Variants in ANO10 observed in about 807,000 individuals in gnomAD.
The protein encoded by ANO10 is anoctamin-10.
ANO10 carries 77 observed loss-of-function variants against 74.7 expected under a neutral mutation model. That is an observed-to-expected ratio of 1.03 (90% CI 0.86 to 1.25). The LOEUF (loss-of-function observed/expected upper bound fraction) is 1.25. ANO10 is among the 50% of genes most tolerant of loss of function. The pLI is 0.00. For synonymous variants in ANO10, 279 were observed against 284.9 expected (o/e 0.98, Z 0.21); for missense variants, 721 against 778.1 (o/e 0.93, Z 0.87).
chr3:43,461,482 T>G (rs1466237485), intron 11 of ANO10, among the ~76,000 whole-genome samples: 2 of 152,238 alleles, frequency 1.3e-5, no homozygotes, highest in Admixed American at 1.3e-4. Flanking sequence ...GAATCTCATC[T>G]TGAATTCCCA....
At chr3:43,634,707 A>G (rs1048700859) in intron 1 of ANO10, among the ~76,000 whole-genome samples, 1 of 152,208 alleles carries the variant, frequency 6.6e-6, no homozygotes, top group Non-Finnish European at 1.5e-5. Context: ...AGACTTAAGG[A>G]TAGGTATATC....
At chr3:43,525,388 C>A (rs188524713) in intron 11 of ANO10, among the ~76,000 whole-genome samples, 232 of 152,250 alleles carry the variant, frequency 1.5e-3, no homozygotes, top group Middle Eastern at 3.4e-3. Flanking sequence ...GTCATGTTCC[C>A]CTACTCTAAA....
intron 1 of ANO10, among the ~76,000 whole-genome samples, chr3:43,688,921 T>TGGTATCAGG: frequency 6.6e-6 from 1 of 152,014 alleles, no homozygotes; most frequent in East Asian, 1.9e-4. Flanking sequence ...TTCTGCAGGC[T>TGGTATCAGG]ATACAGGTGC....
At chr3:43,528,673 C>G (rs1221340023) in intron 11 of ANO10, among the ~76,000 whole-genome samples, 1 of 151,920 alleles carries the variant, frequency 6.6e-6, no homozygotes, top group African/African-American at 2.4e-5. Flanking sequence ...AAAAAAATGA[C>G]AAGGAAGACA....
intron 4 of ANO10, among the ~76,000 whole-genome samples, chr3:43,580,930 C>T (rs2081237197): frequency 6.6e-6 from 1 of 152,044 alleles, no homozygotes; most frequent in Non-Finnish European, 1.5e-5. Context: ...ATGAAATGTC[C>T]TTTTAACAAT....
intron 11 of ANO10, among the ~76,000 whole-genome samples, chr3:43,442,920 T>C (rs1559548486): frequency 6.6e-6 from 1 of 152,364 alleles, no homozygotes; most frequent in South Asian, 2.1e-4. Flanking sequence ...AATCAGTTAA[T>C]TAACTCATAT....
chr3:43,564,542 TA>T (rs1252229268), intron 8 of ANO10, among the ~76,000 whole-genome samples: 1 of 152,236 alleles, frequency 6.6e-6, no homozygotes, highest in Non-Finnish European at 1.5e-5. Context: ...ACACTTTGTT[TA>T]CTGCTTTTCT....
At chr3:43,483,079 C>T (rs2076334043) in intron 11 of ANO10, among the ~76,000 whole-genome samples, 1 of 152,232 alleles carries the variant, frequency 6.6e-6, no homozygotes, top group African/African-American at 2.4e-5. Flanking sequence ...TCTTCTCTAA[C>T]TAATGATTTT....
At chr3:43,539,523 T>C (rs1167364144) in intron 11 of ANO10, among the ~76,000 whole-genome samples, 1 of 152,098 alleles carries the variant, frequency 6.6e-6, no homozygotes, top group Admixed American at 6.6e-5. Context: ...ACCTAGCAGG[T>C]CTGTTGTTGA....
intron 12 of ANO10, among the ~76,000 whole-genome samples, chr3:43,391,105 G>A (rs1387344944): frequency 6.6e-6 from 1 of 152,108 alleles, no homozygotes. Flanking sequence ...ACTATCTGAG[G>A]GTAAGCTGCA....
intron 12 of ANO10, among the ~76,000 whole-genome samples, chr3:43,415,545 C>CTTTTTTTTTTTTTTT (rs538224235): frequency 6.8e-6 from 1 of 147,246 alleles, no homozygotes; most frequent in African/African-American, 2.5e-5. Flanking sequence ...TTCTTTCTTT[C>CTTTTTTTTTTTTTTT]TTTTTTTTTT....
At chr3:43,538,190 G>A (rs757879778) in intron 11 of ANO10, among the ~76,000 whole-genome samples, 26 of 152,114 alleles carry the variant, frequency 1.7e-4, no homozygotes, top group Admixed American at 5.9e-4. Context: ...GAAATTTGAC[G>A]TAGCATACTA....
upstream of ANO10, among the ~76,000 whole-genome samples, chr3:43,626,664 G>C (rs1173462864): frequency 6.6e-6 from 1 of 152,096 alleles, no homozygotes; most frequent in African/African-American, 2.4e-5. Flanking sequence ...AAATGGAGTG[G>C]ATCCAACTTT....
intron 12 of ANO10, among the ~76,000 whole-genome samples, chr3:43,430,039 A>G (rs889014877): frequency 1.3e-5 from 2 of 152,202 alleles, no homozygotes; most frequent in East Asian, 1.9e-4. Flanking sequence ...ACAGGCTATC[A>G]TGACATAATC....
intron 1 of ANO10, among the ~76,000 whole-genome samples, chr3:43,654,746 G>T (rs765480870): frequency 6.6e-6 from 1 of 152,172 alleles, no homozygotes; most frequent in Non-Finnish European, 1.5e-5. Flanking sequence ...CTGCTAGGCT[G>T]GTCAGAGCAG....
At position 43,449,344 on chromosome 3, in the gene ANO10, ATTTC is replaced by A. The variant is rs200240213; in HGVS notation, c.1798-16621_1798-16618del. Among the ~76,000 whole-genome samples, 9 of 152,182 alleles carry A rather than the reference ATTTC, an allele frequency of 5.9e-5. No homozygotes were observed. The East Asian group carries it at 1.7e-3, about 29-fold the overall frequency. On this transcript the variant is annotated intron_variant, in intron 11 of 12. Coordinates refer to ENST00000292246, the MANE Select transcript of ANO10 (RefSeq NM_018075.5). Reference sequence around the variant, plus strand: ...TTTGAAGAAGTTTAACTTATAAATTATTTCTTTCAAGCTTTTGGAACTGAATTTA... The same window carrying A: ...TTTGAAGAAGTTTAACTTATAAATTATTTCAAGCTTTTGGAACTGAATTTA...
intron 12 of ANO10, among the ~76,000 whole-genome samples, chr3:43,420,579 T>C (rs928150984): frequency 6.6e-5 from 10 of 152,308 alleles, no homozygotes; most frequent in East Asian, 3.9e-4. Context: ...TTTCCTATTT[T>C]AGCAGTTTAC....
At chr3:43,622,402 C>A (rs577953212), upstream of ANO10, among the ~76,000 whole-genome samples, 2 of 152,282 alleles carry the variant, frequency 1.3e-5, no homozygotes, top group South Asian at 4.1e-4. Context: ...GGCTCTCCAA[C>A]CGCGAGCGGT....
At chr3:43,629,403 T>C (rs2083524745) in intron 1 of ANO10, among the ~76,000 whole-genome samples, 1 of 152,240 alleles carries the variant, frequency 6.6e-6, no homozygotes, top group Non-Finnish European at 1.5e-5. Context: ...TCTTAGTAAT[T>C]GTGAGTTTTG....
Sources: gnomAD v4.1 joint callset for allele counts (sites outside exome capture counted in the v4.1 genomes callset) on GRCh38, gnomAD v4.1.1 for gene constraint, MANE v1.5 for transcripts, NCBI Gene and HGNC (gene_info 2026-07-23, HGNC 2026-07-21) for gene names.